Variants in CPVL observed in about 807,000 individuals in gnomAD.
CPVL encodes probable serine carboxypeptidase CPVL.
In CPVL, 51 loss-of-function variants were observed where a neutral mutation model predicts 63.7. The ratio of observed to expected loss-of-function variants is 0.80; its 90% CI spans 0.64 to 1.01. The LOEUF is 1.01. Ranked by LOEUF, CPVL falls within the 50% of genes least tolerant of loss-of-function variation. CPVL has a pLI of 0.00. For synonymous variants in CPVL, 195 were observed against 206.0 expected (o/e 0.95, Z 0.46); for missense variants, 530 against 573.1 (o/e 0.92, Z 0.77).
At chr7:29,087,136 C>T (rs543484474) in intron 6 of CPVL, among the ~76,000 whole-genome samples, 2 of 152,206 alleles carry the variant, frequency 1.3e-5, no homozygotes, top group East Asian at 3.9e-4. Flanking sequence ...CTAAAGAATG[C>T]TAACAGCCGG....
intron 9 of CPVL, among the ~76,000 whole-genome samples, chr7:29,066,435 G>GAAA (rs1439711124): frequency 4.6e-5 from 7 of 152,164 alleles, no homozygotes; most frequent in Non-Finnish European, 1.0e-4. Context: ...ATGACAAGGA[G>GAAA]AAAACTAAAG....
intron 11 of CPVL, among the ~76,000 whole-genome samples, chr7:29,033,129 A>G (rs35420332): frequency 6.6e-6 from 1 of 152,228 alleles, no homozygotes; most frequent in African/African-American, 2.4e-5. Flanking sequence ...TGAAGGGCAC[A>G]TAAGTCAAAT....
chr7:29,079,618 A>C (rs1385628674), intron 7 of CPVL, among the ~76,000 whole-genome samples: 1 of 152,238 alleles, frequency 6.6e-6, no homozygotes, highest in African/African-American at 2.4e-5. Flanking sequence ...CTACAGATAA[A>C]ATACATGAAC....
At chr7:29,024,617 T>C (rs888683672) in intron 12 of CPVL, among the ~76,000 whole-genome samples, 1 of 152,156 alleles carries the variant, frequency 6.6e-6, no homozygotes, top group African/African-American at 2.4e-5. Context: ...TCAAGGCACA[T>C]ATAAGGGAAT....
At chr7:29,190,312 TCTC>T (rs1248268687) in intron 1 of CPVL, among the ~76,000 whole-genome samples, 1 of 152,122 alleles carries the variant, frequency 6.6e-6, no homozygotes, top group Non-Finnish European at 1.5e-5. Flanking sequence ...GCCCTGCTAT[TCTC>T]CTGTGAATGC....
intron 6 of CPVL, among the ~76,000 whole-genome samples, chr7:29,089,371 C>A (rs1785537453): frequency 6.6e-6 from 1 of 152,148 alleles, no homozygotes. Flanking sequence ...ACACAAGCAA[C>A]ATTCAGGATA....
In CPVL at chr7:29,041,649, G is replaced by A. The variant is rs571608172; in HGVS notation, c.1138-10890C>T. 3.3e-5 allele frequency among the ~76,000 whole-genome samples: 5 copies of A among 151,956 alleles called. No individual in the cohort carries two copies. In the South Asian group the frequency reaches 8.3e-4, roughly 25 times the overall value. ...GCATACAACCCAACCAATAAGAAAC[G>A]GCCCTGCAAGAGCAAAGAAAAAAAT... On this transcript the variant is annotated intron_variant, in intron 11 of 12. Transcript: ENST00000265394.
Position 29,195,054 on chromosome 7 carries a change from A to C in CPVL, c.-448+23T>G. 2.6e-6 allele frequency: 4 copies of C among 1,518,204 alleles called. No homozygotes were observed. The South Asian group carries it at 4.7e-5, about 18-fold the overall frequency. The allele number at this position is 1,518,204 out of a possible 1,614,324, so 94.0% of individuals were successfully genotyped here. On this transcript the variant is annotated intron_variant, in intron 1 of 16. Transcript: ENST00000409850. ...TCTCGCCCCACTGCCCTCGCCCCGCAGCCTGGGATGGACAGAGCCTACCTG... is the reference window on the plus strand; with the variant it reads ...TCTCGCCCCACTGCCCTCGCCCCGCCGCCTGGGATGGACAGAGCCTACCTG...
At position 29,159,604 on chromosome 7, in the gene CPVL, A is replaced by C. The variant is rs74435505; in HGVS notation, c.-11+21686T>G. Among the ~76,000 whole-genome samples, 1,201 of 152,210 alleles carry C rather than the reference A, an allele frequency of 7.9e-3. 19 individuals carry two copies. The highest frequency in any genetic ancestry group is 0.027 in the African/African-American group (1,141 of 41,510). On this transcript the variant is annotated intron_variant, in intron 5 of 16. Coordinates refer to the CPVL transcript ENST00000409850. ...GAAAACCTCTTCCCACACAAGTCTTATGCCTCCTCCTTCCCCGCTTCGTGC... is the reference window on the plus strand; with the variant it reads ...GAAAACCTCTTCCCACACAAGTCTTCTGCCTCCTCCTTCCCCGCTTCGTGC...
At position 29,184,334 on chromosome 7, in the gene CPVL, G is replaced by A. The variant is rs1224046713; in HGVS notation, c.-134+87C>T. On this transcript the variant is annotated intron_variant, in intron 4 of 16. Transcript: ENST00000409850. ...TATATCTCATATCTCATACATCTATGTATCTCATATATATATTTATATGAG... is the reference window on the plus strand; with the variant it reads ...TATATCTCATATCTCATACATCTATATATCTCATATATATATTTATATGAG... 6 of 151,636 alleles carry A rather than the reference G, an allele frequency of 4.0e-5. No individual in the cohort carries two copies. The East Asian group carries it at 1.2e-3, about 29-fold the overall frequency. The allele number at this position is 151,636 out of a possible 1,614,324, so 9.4% of individuals were successfully genotyped here. A position where few individuals can be genotyped will look rare whatever the true frequency, so the allele number is the denominator to read the frequency against.
At chr7:29,120,500 T>C (rs957183551) in intron 2 of CPVL, among the ~76,000 whole-genome samples, 7 of 152,076 alleles carry the variant, frequency 4.6e-5, no homozygotes, top group Non-Finnish European at 1.0e-4. Context: ...TACTGAAATA[T>C]ATTTTGCATC....
intron 3 of CPVL, among the ~76,000 whole-genome samples, chr7:29,104,839 A>T (rs1280533663): frequency 6.6e-6 from 1 of 152,188 alleles, no homozygotes; most frequent in Non-Finnish European, 1.5e-5. Flanking sequence ...CTTGATGCAA[A>T]AGTTAGTTAC....
intron 5 of CPVL, among the ~76,000 whole-genome samples, chr7:29,157,943 A>G (rs1404339693): frequency 6.6e-6 from 1 of 152,186 alleles, no homozygotes; most frequent in East Asian, 1.9e-4. Context: ...ACTGTTTCTC[A>G]TTTGTGATTC....
At chr7:29,061,716 G>A (rs1315149050) in intron 11 of CPVL, among the ~76,000 whole-genome samples, 3 of 152,120 alleles carry the variant, frequency 2.0e-5, no homozygotes, top group Non-Finnish European at 4.4e-5. Context: ...GGAGGCCGAG[G>A]TGGGCGGATC....
intron 5 of CPVL, among the ~76,000 whole-genome samples, chr7:29,161,741 G>A (rs1355573463): frequency 6.6e-6 from 1 of 152,064 alleles, no homozygotes; most frequent in Non-Finnish European, 1.5e-5. Flanking sequence ...AGATGAAAAC[G>A]ATGAGCCACC....
At chr7:29,035,474 A>AT in intron 11 of CPVL, among the ~76,000 whole-genome samples, 1 of 152,320 alleles carries the variant, frequency 6.6e-6, no homozygotes, top group Admixed American at 6.5e-5. Flanking sequence ...GTTCAGAAAC[A>AT]ATCTTGCTCT....
chr7:29,194,617 G>C (rs911973512), intron 1 of CPVL: 1 of 271,614 alleles, frequency 3.7e-6, no homozygotes, highest in Non-Finnish European at 6.8e-6. Context: ...GAGCGTGGAC[G>C]GCAGAGGGGC....
intron 5 of CPVL, among the ~76,000 whole-genome samples, chr7:29,177,647 T>C (rs900982411): frequency 6.6e-6 from 1 of 151,960 alleles, no homozygotes; most frequent in East Asian, 1.9e-4. Flanking sequence ...TATCTATCTG[T>C]CCATCTATTA....
rs746123081 is a variant in CPVL at position 28,995,816 on chromosome 7, T to A, written c.1387A>T (p.Asn463Tyr). The A allele has an allele frequency of 6.2e-7, 1 of 1,608,608 alleles. No individual in the cohort carries two copies. The highest frequency in any genetic ancestry group is 2.2e-5 in the East Asian group (1 of 44,668). The part of the protein sequence containing the change: ...DQPLRAFDMI[N>Y]RFIYGKGWDP... ...CATCCTTTTCCATAAATGAATCGAT[T>A]AATCATGTCAAAAGCTCTCAGAGGC... The change falls in exon 13 of 13, where the codon AAT becomes TAT. Residue 463 changes from asparagine to tyrosine, a missense_variant. Asn to Tyr is a moderately radical substitution (Grantham distance 143). Coordinates refer to ENST00000265394, the MANE Select transcript of CPVL (RefSeq NM_031311.5).
Sources: gnomAD v4.1 joint callset for allele counts (sites outside exome capture counted in the v4.1 genomes callset) on GRCh38, gnomAD v4.1.1 for gene constraint, MANE v1.5 for transcripts, NCBI Gene and HGNC (gene_info 2026-07-23, HGNC 2026-07-21) for gene names.